EML5: variants seen among roughly 807,000 people sequenced by gnomAD.
EML5 encodes EMAP like 5.
EML5 carries 120 observed loss-of-function variants against 250.0 expected under a neutral mutation model. The ratio of observed to expected loss-of-function variants is 0.48; its 90% confidence interval spans 0.41 to 0.56. The LOEUF (loss-of-function observed/expected upper bound fraction) is 0.56, where lower values mean the gene tolerates loss of function less well. Ranked by LOEUF, EML5 falls within the 20% of genes least tolerant of loss-of-function variation. The probability of loss-of-function intolerance (pLI) is 0.00; values close to 1 mark genes in which losing one functional copy is unlikely to be tolerated. For missense variants in EML5, 2,006 were observed against 2,437.6 expected, an observed-to-expected ratio of 0.82 and a Z score of 3.73; for synonymous variants, 771 against 806.5, an observed-to-expected ratio of 0.96 and a Z score of 0.75.
At chr14:88,655,655 ACAG>A (rs1340014743) in intron 27 of EML5, among the ~76,000 whole-genome samples, 1 of 152,226 alleles carries the variant, frequency 6.6e-6, no homozygotes, top group East Asian at 1.9e-4. Context: ...GAGCTTCTGC[ACAG>A]CAAGAGAAAC....
chr14:88,615,591 C>G lies in EML5; in HGVS notation c.*227G>C. The G allele has an allele frequency of 2.1e-6, 1 of 476,202 alleles. No homozygotes were observed. Among genetic ancestry groups the G allele is most frequent in the Non-Finnish European group, 3.7e-6 (1 of 271,942 alleles). The allele number at this position is 476,202 out of a possible 1,614,324, so 29.5% of individuals were successfully genotyped here. A position where few individuals can be genotyped will look rare whatever the true frequency, so the allele number is the denominator to read the frequency against. ...TGGCCTTTACCATCAAGTATTCGATCCTTCCTTGAAATGGCATTATCTGGC... is the reference window on the plus strand; with the variant it reads ...TGGCCTTTACCATCAAGTATTCGATGCTTCCTTGAAATGGCATTATCTGGC... On this transcript the variant is annotated 3_prime_UTR_variant, in exon 44 of 44. Coordinates refer to ENST00000554922, the MANE Select transcript of EML5 (RefSeq NM_183387.3).
chr14:88,673,972 T>TATGAAGAA (rs1289984920), intron 21 of EML5, among the ~76,000 whole-genome samples: 2 of 152,146 alleles, frequency 1.3e-5, no homozygotes, highest in Non-Finnish European at 2.9e-5. Flanking sequence ...CTCACACTGC[T>TATGAAGAA]ATGAAGAAAT....
At chr14:88,701,792 C>T (rs1023679542) in intron 14 of EML5, among the ~76,000 whole-genome samples, 1 of 152,088 alleles carries the variant, frequency 6.6e-6, no homozygotes, top group Non-Finnish European at 1.5e-5. Flanking sequence ...TTAATTTCTC[C>T]AAACCTAAAC....
chr14:88,716,732 AACAC>A (rs58701181), intron 8 of EML5, among the ~76,000 whole-genome samples: 25,799 of 147,512 alleles, frequency 0.17, 2,890 homozygotes, highest in African/African-American at 0.31. Context: ...ACTGCTCACC[AACAC>A]ACACACACAC....
At chr14:88,752,854 G>T (rs1292346491) in intron 2 of EML5, among the ~76,000 whole-genome samples, 3 of 152,186 alleles carry the variant, frequency 2.0e-5, no homozygotes, top group Non-Finnish European at 2.9e-5. Context: ...CATATCAAGA[G>T]GAGTTTGGCC....
At chr14:88,790,463 A>C (rs1385028668) in intron 1 of EML5, among the ~76,000 whole-genome samples, 1 of 152,236 alleles carries the variant, frequency 6.6e-6, no homozygotes, top group Non-Finnish European at 1.5e-5. Flanking sequence ...GCGGTGTGAC[A>C]TATAACACAG....
chr14:88,635,271 T>C (rs1310745121), intron 32 of EML5, among the ~76,000 whole-genome samples: 2 of 152,214 alleles, frequency 1.3e-5, no homozygotes, highest in Non-Finnish European at 2.9e-5. Context: ...CATAGGACCA[T>C]AGTGCCTTGA....
chr14:88,635,402 C>T (rs549812214), intron 32 of EML5, among the ~76,000 whole-genome samples: 38 of 152,266 alleles, frequency 2.5e-4, no homozygotes, highest in Non-Finnish European at 1.0e-4. Flanking sequence ...GGGCTTGGAA[C>T]TTTGCCACCT....
chr14:88,774,232 G>A (rs984198059), intron 1 of EML5, among the ~76,000 whole-genome samples: 3 of 152,174 alleles, frequency 2.0e-5, no homozygotes, highest in East Asian at 1.9e-4. Context: ...CAGATAATTC[G>A]TATTTTTTAG....
At chr14:88,766,258 C>T (rs974778022) in intron 1 of EML5, among the ~76,000 whole-genome samples, 57 of 152,264 alleles carry the variant, frequency 3.7e-4, no homozygotes, top group African/African-American at 1.3e-3. Flanking sequence ...GGGAGATAAC[C>T]ATTAGGTCTG....
chr14:88,792,213 G>A lies in EML5; in HGVS notation c.197+94C>T. ...CGGATTCCCCTCGGGGTGATGCTCC[G>A]TGCAGGAGCGGTCACGGCGTCCAGA... is the stretch of plus-strand genomic sequence containing the variant. On this transcript the variant is annotated intron_variant, in intron 1 of 43. Transcript: ENST00000554922. The surrounding 1 kb of genome is among the most constrained non-coding windows in gnomAD (Gnocchi z 6.9). 6.9e-7 allele frequency: 1 copy of A among 1,450,298 alleles called. No homozygotes were observed. Among genetic ancestry groups the A allele is most frequent in the Admixed American group, 2.1e-5 (1 of 47,964 alleles). 89.8% of individuals were successfully genotyped at this position (1,450,298 alleles called of 1,614,324 possible).
chr14:88,710,505 T>C (rs2093387300), intron 10 of EML5, among the ~76,000 whole-genome samples: 1 of 152,166 alleles, frequency 6.6e-6, no homozygotes, highest in East Asian at 1.9e-4. Flanking sequence ...AAAGAAAGAG[T>C]ATATTTCTAG....
chr14:88,739,151 A>C, intron 5 of EML5, 137 bp from the exon 6 acceptor site: 1 of 831,578 alleles, frequency 1.2e-6, no homozygotes, highest in Non-Finnish European at 1.8e-6. Context: ...AGAAAACACA[A>C]AAGAAAATCT....
At chr14:88,771,563 G>A (rs546059727) in intron 1 of EML5, among the ~76,000 whole-genome samples, 5 of 152,138 alleles carry the variant, frequency 3.3e-5, no homozygotes, top group African/African-American at 1.2e-4. Flanking sequence ...CCATTTCTCT[G>A]CTCCTCATTC....
intron 4 of EML5, among the ~76,000 whole-genome samples, chr14:88,741,579 G>A (rs1466025281): frequency 1.3e-5 from 2 of 152,076 alleles, no homozygotes; most frequent in East Asian, 1.9e-4. Flanking sequence ...AGTGGCAAAC[G>A]CCTGTAGTCT....
intron 1 of EML5, among the ~76,000 whole-genome samples, chr14:88,788,879 C>CAG (rs2094577020): frequency 7.0e-6 from 1 of 143,334 alleles, no homozygotes; most frequent in Non-Finnish European, 1.5e-5. Flanking sequence ...GGGCAACATA[C>CAG]AGAGACCCCA....
At chr14:88,643,155 A>ATTTTG in intron 30 of EML5, 133 bp from the exon 31 acceptor site, 1 of 864,596 alleles carries the variant, frequency 1.2e-6, no homozygotes, top group Non-Finnish European at 1.7e-6. Context: ...TACAAACTTA[A>ATTTTG]TATACAAAAT....
intron 17 of EML5, among the ~76,000 whole-genome samples, chr14:88,690,888 C>A (rs2092942472): frequency 6.6e-6 from 1 of 152,160 alleles, no homozygotes; most frequent in Non-Finnish European, 1.5e-5. Flanking sequence ...GGTGGGGAAA[C>A]AACAGGCTGA....
At chr14:88,762,700 GA>G (rs2094262538) in intron 1 of EML5, among the ~76,000 whole-genome samples, 1 of 152,056 alleles carries the variant, frequency 6.6e-6, no homozygotes, top group Admixed American at 6.6e-5. Flanking sequence ...CAAATCAACA[GA>G]ATATACACTC....
Sources: gnomAD v4.1 joint callset for allele counts (sites outside exome capture counted in the v4.1 genomes callset) on GRCh38, gnomAD v4.1.1 for gene constraint, Gnocchi (gnomAD v3.1) non-coding constraint, MANE v1.5 for transcripts, NCBI Gene and HGNC (gene_info 2026-07-23, HGNC 2026-07-21) for gene names.